TRIM37: variants seen among roughly 807,000 people sequenced by gnomAD.
TRIM37 encodes tripartite motif containing 37.
In TRIM37, 80 loss-of-function variants were observed where a neutral mutation model predicts 129.8. The ratio of observed to expected loss-of-function variants is 0.62; its 90% CI spans 0.51 to 0.74. TRIM37 has a LOEUF of 0.74. Among genes scored for constraint, TRIM37 ranks in the 30% least tolerant of loss-of-function variants. The pLI, the probability that TRIM37 is intolerant of heterozygous loss-of-function variation, is 0.00. For missense variants in TRIM37, 1,054 were observed against 1,176.5 expected (o/e 0.90, Z 1.52); for synonymous variants, 389 against 387.1 (o/e 1.00, Z -0.06).
downstream of TRIM37, chr17:58,981,919 GAAAATCA>G (rs930065994): frequency 3.9e-5 from 6 of 152,606 alleles, no homozygotes; most frequent in African/African-American, 1.4e-4. Flanking sequence ...CATTTACAAA[GAAAATCA>G]AAAGCATTTC....
intron 7 of TRIM37, among the ~76,000 whole-genome samples, chr17:59,078,112 G>A (rs756931487): frequency 3.3e-5 from 5 of 151,906 alleles, no homozygotes; most frequent in Admixed American, 6.6e-5. Flanking sequence ...ATGACAGAGC[G>A]AGACTCCATC....
chr17:59,106,680 A>G lies in TRIM37; in HGVS notation c.-219T>C, dbSNP rs749902834. The G allele has an allele frequency of 1.3e-5, 8 of 611,124 alleles. No individual in the cohort carries two copies. The highest frequency in any genetic ancestry group is 2.0e-5 in the Non-Finnish European group (7 of 344,840). The allele number at this position is 611,124 out of a possible 1,614,324, so 37.9% of individuals were successfully genotyped here. On this transcript the variant is annotated 5_prime_UTR_variant, in exon 1 of 24. Transcript: ENST00000262294. ...TACCGGCGCGCCCGCCCCGAGGCGC[A>G]GAAGTAGGGCGAACGGTGGCCGCAG...
downstream of TRIM37, chr17:58,982,075 G>A (rs2031386472): frequency 6.6e-6 from 1 of 152,602 alleles, no homozygotes; most frequent in African/African-American, 2.4e-5. Context: ...TTGGAATGAA[G>A]GAGGCTGAAA....
At chr17:58,970,943 CCT>C in the TRIM37 span, among the ~76,000 whole-genome samples, 1 of 151,742 alleles carries the variant, frequency 6.6e-6, no homozygotes, top group African/African-American at 2.4e-5. Context: ...TTCTTTTTTT[CCT>C]CTGTCTTCTC....
chr17:59,097,937 G>A (rs1252745567), intron 2 of TRIM37, among the ~76,000 whole-genome samples: 1 of 152,064 alleles, frequency 6.6e-6, no homozygotes, highest in African/African-American at 2.4e-5. Flanking sequence ...TTTTTATATT[G>A]GTAGAAAACT....
Position 59,106,619 on chromosome 17 carries a change from C to A in TRIM37, c.-158G>T. 1.2e-6 allele frequency: 1 copy of A among 842,410 alleles called. No individual in the cohort carries two copies. The highest frequency in any genetic ancestry group is 1.9e-6 in the Non-Finnish European group (1 of 521,258). 52.2% of individuals were successfully genotyped at this position (842,410 alleles called of 1,614,324 possible). Reference sequence around the variant, plus strand: ...GCCCCACCTGCGCGCCCCATCTCTTCAGGTCCAGCGCCGCCTACCCCCATT... The same window carrying A: ...GCCCCACCTGCGCGCCCCATCTCTTAAGGTCCAGCGCCGCCTACCCCCATT... On this transcript the variant is annotated 5_prime_UTR_variant, in exon 1 of 24. An upstream open reading frame in the 5' UTR gains an earlier in-frame stop. Coordinates refer to ENST00000262294, the MANE Select transcript of TRIM37 (RefSeq NM_015294.6).
chr17:59,042,430 T>TAAAAA (rs2039284587), intron 16 of TRIM37, among the ~76,000 whole-genome samples: 1 of 92,170 alleles, frequency 1.1e-5, no homozygotes, highest in African/African-American at 5.5e-5. Flanking sequence ...AAAAAGGAAT[T>TAAAAA]TAAAAAAAAA....
chr17:59,104,581 T>C, intron 1 of TRIM37, 187 bp from the exon 2 acceptor site: 1 of 755,242 alleles, frequency 1.3e-6, no homozygotes, highest in Non-Finnish European at 2.4e-6. Context: ...GTACTCCCGT[T>C]TGGTTTCACG....
At chr17:59,075,286 G>T (rs745313269) in intron 8 of TRIM37, among the ~76,000 whole-genome samples, 2 of 151,848 alleles carry the variant, frequency 1.3e-5, no homozygotes, top group African/African-American at 4.8e-5. Context: ...AGAGAAGGCC[G>T]GGCACGGTGG....
chr17:58,985,611 C>T lies in TRIM37; in HGVS notation c.2892-2690G>A, dbSNP rs182449809. ...GTGGTGGAAAGCCTCCCAAGGACTGCTGATAAGTGAGTAAAAGGAGACAGA... is the reference window on the plus strand; with the variant it reads ...GTGGTGGAAAGCCTCCCAAGGACTGTTGATAAGTGAGTAAAAGGAGACAGA... On this transcript the variant is annotated intron_variant, in intron 24 of 24. Coordinates refer to the TRIM37 transcript ENST00000393066. 5.9e-4 allele frequency among the ~76,000 whole-genome samples: 90 copies of T among 152,248 alleles called. 1 individual carries two copies. In the East Asian group the frequency reaches 0.011, roughly 19 times the overall value.
chr17:59,069,861 G>A (rs1012279035), intron 9 of TRIM37, among the ~76,000 whole-genome samples: 5 of 152,172 alleles, frequency 3.3e-5, no homozygotes, highest in African/African-American at 1.2e-4. Context: ...CTCTCTCCAA[G>A]CAAGAACAGA....
At chr17:59,029,072 C>CA (rs1408131242) in intron 18 of TRIM37, among the ~76,000 whole-genome samples, 1 of 152,004 alleles carries the variant, frequency 6.6e-6, no homozygotes, top group African/African-American at 2.4e-5. Flanking sequence ...AAAAAAAAGA[C>CA]AAAGAAAAAT....
intron 19 of TRIM37, among the ~76,000 whole-genome samples, chr17:59,025,313 T>TA (rs2037110711): frequency 6.6e-6 from 1 of 151,934 alleles, no homozygotes; most frequent in South Asian, 2.1e-4. Flanking sequence ...GGGTTATTTT[T>TA]ATTAACCTGG....
In TRIM37 at chr17:59,064,349, T is replaced by C; in HGVS notation, c.860+6A>G. On this transcript the variant is annotated splice_donor_region_variant and intron_variant, in intron 10 of 23. Transcript: ENST00000262294. Reference sequence around the variant, plus strand: ...CAAAAAAACCAGAATTGTCAAAAACTCTTACCTGAAATTCTCTAAAACAAA... The same window carrying C: ...CAAAAAAACCAGAATTGTCAAAAACCCTTACCTGAAATTCTCTAAAACAAA... 1 of 1,597,272 alleles carries C rather than the reference T, an allele frequency of 6.3e-7. No homozygotes were observed. Among genetic ancestry groups the C allele is most frequent in the Non-Finnish European group, 8.5e-7 (1 of 1,170,138 alleles).
At chr17:59,101,097 T>C (rs780802601) in intron 2 of TRIM37, among the ~76,000 whole-genome samples, 2 of 151,366 alleles carry the variant, frequency 1.3e-5, no homozygotes, top group African/African-American at 4.9e-5. Flanking sequence ...TGCATGTCAG[T>C]TATACCTAAT....
chr17:58,967,655 G>GT, the TRIM37 span, among the ~76,000 whole-genome samples: 3 of 151,660 alleles, frequency 2.0e-5, no homozygotes, highest in African/African-American at 7.3e-5. Flanking sequence ...AATGTTTTGT[G>GT]TTTTTTTAAA....
intron 16 of TRIM37, among the ~76,000 whole-genome samples, chr17:59,046,704 T>C (rs2039846333): frequency 6.6e-6 from 1 of 151,434 alleles, no homozygotes; most frequent in Admixed American, 6.6e-5. Flanking sequence ...ACCTGGCTAA[T>C]TTCTTTTTTG....
At chr17:58,986,727 T>C (rs1205687558) in intron 24 of TRIM37, among the ~76,000 whole-genome samples, 3 of 152,152 alleles carry the variant, frequency 2.0e-5, no homozygotes, top group Non-Finnish European at 4.4e-5. Context: ...CAGACTGGTC[T>C]TGAACACCTG....
At chr17:58,982,499 C>T (rs2031417606), downstream of TRIM37, 1 of 164,198 alleles carries the variant, frequency 6.1e-6, no homozygotes, top group African/African-American at 2.4e-5. Context: ...TGTCCCCCGC[C>T]TAATCATGTG....
Sources: allele counts gnomAD v4.1 joint callset (sites outside exome capture counted in the v4.1 genomes callset), GRCh38; gene constraint gnomAD v4.1.1; transcripts MANE v1.5; gene names NCBI Gene and HGNC (gene_info 2026-07-23, HGNC 2026-07-21).